MX1: variants seen among roughly 807,000 people sequenced by gnomAD.
The protein encoded by MX1 is MX dynamin like GTPase 1.
MX1 carries 66 observed loss-of-function variants against 66.4 expected under a neutral mutation model. The observed-to-expected ratio is 0.99, with a 90% CI of 0.82 to 1.22. The LOEUF (loss-of-function observed/expected upper bound fraction) is 1.22, where lower values mean the gene tolerates loss of function less well. Ranked by LOEUF, MX1 falls within the 50% of genes most tolerant of loss-of-function variation. MX1 has a pLI of 0.00. For synonymous variants in MX1, 311 were observed against 318.1 expected, an observed-to-expected ratio of 0.98 and a Z score of 0.24; for missense variants, 787 against 834.3, an observed-to-expected ratio of 0.94 and a Z score of 0.70.
rs756142659 is a variant in MX1 at position 41,440,950 on chromosome 21, A to G, written c.655A>G (p.Ser219Gly). 3 of 1,614,212 alleles carry G rather than the reference A, an allele frequency of 1.9e-6. No homozygotes were observed. In the Admixed American group the frequency reaches 5.0e-5, roughly 27 times the overall value. The change falls in exon 9 of 17, where the codon AGT becomes GGT. Residue 219 changes from serine (S) to glycine (G), a missense_variant. Ser to Gly is a moderately conservative substitution (Grantham distance 56, BLOSUM62 0). Transcript: ENST00000398598. ...QETISLVVVP[S>G]NVDIATTEAL... ...GACAATCAGCCTGGTGGTGGTCCCC[A>G]GTAATGTGGACATCGCCACCACAGA...
chr21:41,428,395 G>A (rs1227500492), intron 3 of MX1: 2 of 152,182 alleles, frequency 1.3e-5, no homozygotes, highest in Admixed American at 1.3e-4. Context: ...GATAGGGTAA[G>A]GACCCACAGT....
chr21:41,445,848 A>T, intron 12 of MX1, 152 bp from the exon 13 acceptor site: 1 of 1,026,342 alleles, frequency 9.7e-7, no homozygotes, highest in Non-Finnish European at 1.4e-6. Flanking sequence ...AGGATTTTCT[A>T]GTGCCAAAAC....
Position 41,433,112 on chromosome 21 carries a change from T to C in MX1, c.105+937T>C, listed in dbSNP as rs534352575. ...GGAGAACAGAGTGTGTCTCGTGATC[T>C]GGCAGTTCCACTTCTGGGGATAGAC... On this transcript the variant is annotated intron_variant, in intron 5 of 16. Transcript: ENST00000398598. Among the ~76,000 whole-genome samples the C allele has an allele frequency of 4.6e-5, 7 of 152,370 alleles. No homozygotes were observed. The East Asian group carries it at 7.7e-4, about 17-fold the overall frequency.
intron 8 of MX1, 106 bp downstream of exon 8, chr21:41,439,954 G>A (rs2090462683): frequency 1.6e-6 from 2 of 1,254,382 alleles, no homozygotes; most frequent in Admixed American, 2.2e-5. Context: ...TGAGTCCAGA[G>A]CTGAGTTTTG....
rs1373286869 is a variant in MX1 at position 41,458,752 on chromosome 21, C to A, written c.1983C>A (p.Pro661=). 6.2e-7 allele frequency: 1 copy of A among 1,611,486 alleles called. No individual in the cohort carries two copies. Among genetic ancestry groups the A allele is most frequent in the East Asian group, 2.2e-5 (1 of 44,878 alleles). The part of the protein sequence containing the change: ...TQARRRLAQF[P]G ...CTCGGCGCCGGCTTGCCCAGTTCCC[C>A]GGTTAACCACACTCTGTCCAGCCCC... Residue 661 remains proline, a synonymous_variant, in exon 17 of 17, where the codon CCC becomes CCA. Transcript: ENST00000398598.
chr21:41,423,606 G>A (rs2090015352), upstream of MX1, among the ~76,000 whole-genome samples: 1 of 152,102 alleles, frequency 6.6e-6, no homozygotes, highest in South Asian at 2.1e-4. Flanking sequence ...TTCCCAGCTA[G>A]GCTTAGGGAT....
At chr21:41,445,374 G>A in intron 11 of MX1, 74 bp from the exon 12 acceptor site, 1 of 1,565,764 alleles carries the variant, frequency 6.4e-7, no homozygotes, top group Non-Finnish European at 8.7e-7. Flanking sequence ...CTCTGCAGAG[G>A]GAGGCCCGGG....
Position 41,458,109 on chromosome 21 carries a change from A to G in MX1, c.1759-419A>G, listed in dbSNP as rs143290627. 7.2e-5 allele frequency among the ~76,000 whole-genome samples: 11 copies of G among 152,182 alleles called. No individual in the cohort carries two copies. In the East Asian group the frequency reaches 1.9e-3, roughly 27 times the overall value. ...GCCTCCCCCTGCCTGGGTTCAAACA[A>G]TTCTCCTGCCTCAGCCTCCCATGGT... On this transcript the variant is annotated intron_variant, in intron 16 of 16. Transcript: ENST00000398598.
At chr21:41,436,913 C>T in intron 6 of MX1, 102 bp from the exon 7 acceptor site, 3 of 1,405,148 alleles carry the variant, frequency 2.1e-6, no homozygotes, top group Non-Finnish European at 1.9e-6. Context: ...TTTTAAATGT[C>T]TCCCCATATG....
rs1008139418 is a variant in MX1, at chr21:41,435,862, A to G, written c.131A>G (p.Gln44Arg). The G allele has an allele frequency of 1.9e-6, 3 of 1,612,110 alleles. No individual in the cohort carries two copies. Among genetic ancestry groups the G allele is most frequent in the Admixed American group, 3.3e-5 (2 of 59,950 alleles). ...GTGGCTGAGAACAACCTGTGCAGCC[A>G]GTATGAGGAGAAGGTGCGCCCCTGC... Reference protein sequence around the residue: ...GSVAENNLCSQYEEKVRPCID... With the variant: ...GSVAENNLCSRYEEKVRPCID... The change falls in exon 6 of 17, where the codon CAG becomes CGG. Residue 44 changes from glutamine (Q) to arginine (R), a missense_variant. Transcript: ENST00000398598.
intron 16 of MX1, among the ~76,000 whole-genome samples, chr21:41,455,845 T>G (rs1323103824): frequency 6.6e-6 from 1 of 152,258 alleles, no homozygotes; most frequent in Non-Finnish European, 1.5e-5. Context: ...GTGAATAGGT[T>G]TGTTTGTATA....
intron 2 of MX1, 113 bp from the exon 3 acceptor site, chr21:41,427,642 G>T (rs920578404): frequency 1.3e-5 from 2 of 152,210 alleles, no homozygotes; most frequent in Non-Finnish European, 2.9e-5. Flanking sequence ...AGAGGAAGGG[G>T]GCTGAATCCT....
upstream of MX1, among the ~76,000 whole-genome samples, chr21:41,423,878 G>A (rs2146019765): frequency 6.6e-6 from 1 of 152,346 alleles, no homozygotes; most frequent in African/African-American, 2.4e-5. Flanking sequence ...TGCACCAACT[G>A]GGAGTGAGCT....
intron 7 of MX1, among the ~76,000 whole-genome samples, 175 bp from the exon 8 acceptor site, chr21:41,439,519 A>G (rs187395871): frequency 6.6e-6 from 1 of 152,348 alleles, no homozygotes; most frequent in African/African-American, 2.4e-5. Context: ...CAGGGAAAAT[A>G]CTGAGTTATC....
chr21:41,441,475 G>T lies in MX1; in HGVS notation c.731-241G>T. On this transcript the variant is annotated intron_variant, in intron 9 of 16. Transcript: ENST00000398598. The surrounding 1 kb of genome is among the most constrained non-coding windows in gnomAD (Gnocchi z 4.0). ...CGTGGCGTGTTCTACAGTGGACCCG[G>T]GTGAAGGAGCTTGGGGAGAGCCACA... 1 of 570,744 alleles carries T rather than the reference G, an allele frequency of 1.8e-6. No individual in the cohort carries two copies. Among genetic ancestry groups the T allele is most frequent in the East Asian group, 3.0e-5 (1 of 33,808 alleles). The allele number at this position is 570,744 out of a possible 1,614,324, so 35.4% of individuals were successfully genotyped here.
At chr21:41,435,620 A>G (rs865885258) in intron 5 of MX1, among the ~76,000 whole-genome samples, 4 of 152,206 alleles carry the variant, frequency 2.6e-5, no homozygotes, top group South Asian at 2.1e-4. Context: ...CCAAACACTT[A>G]TAAAACCATC....
chr21:41,439,028 G>A (rs1411887160), intron 7 of MX1, among the ~76,000 whole-genome samples: 8 of 152,148 alleles, frequency 5.3e-5, no homozygotes, highest in African/African-American at 9.6e-5. Flanking sequence ...GCCAGAACCC[G>A]ATCTCATGAC....
intron 1 of MX1, chr21:41,426,843 T>TC (rs963810811): frequency 9.7e-6 from 1 of 102,690 alleles, no homozygotes; most frequent in East Asian, 8.0e-4. Context: ...CTGCCCGCTG[T>TC]TCCCCCCCAC....
At chr21:41,429,923 A>G (rs1601468209) in intron 3 of MX1, 1 of 145,264 alleles carries the variant, frequency 6.9e-6, no homozygotes, top group Non-Finnish European at 1.5e-5. Flanking sequence ...AAAAAAAAAG[A>G]AAGAAATACA....
Sources: allele counts gnomAD v4.1 joint callset (sites outside exome capture counted in the v4.1 genomes callset), GRCh38; gene constraint gnomAD v4.1.1; non-coding constraint Gnocchi (gnomAD v3.1); transcripts MANE v1.5; gene names NCBI Gene and HGNC (gene_info 2026-07-23, HGNC 2026-07-21).